GOLM1: variants seen among roughly 807,000 people sequenced by gnomAD.
The protein encoded by GOLM1 is epididymis luminal protein 46.
Under a neutral mutation model 50.5 loss-of-function variants are expected in GOLM1, and 31 were observed. The observed-to-expected ratio is 0.61, with a 90% CI of 0.46 to 0.83. GOLM1 has a LOEUF of 0.83. Ranked by LOEUF, GOLM1 falls within the 40% of genes least tolerant of loss-of-function variation. The probability of loss-of-function intolerance (pLI) is 0.00; values close to 1 mark genes in which losing one functional copy is unlikely to be tolerated. For synonymous variants in GOLM1, 178 were observed against 192.8 expected (o/e 0.92, Z 0.64); for missense variants, 491 against 501.3 (o/e 0.98, Z 0.20).
rs1427989836 is a variant in GOLM1 at position 86,035,533 on chromosome 9, G to A, written c.850C>T (p.Pro284Ser). 6.2e-7 allele frequency: 1 copy of A among 1,612,060 alleles called. No homozygotes were observed. ...CCCCCGAAGCCTCTTCCACCTACAG[G>A]TCTGTCTTCCACCACCTGCTCCCGG... Reference protein sequence around the residue: ...PGREQVVEDRPVGGRGFGGAG... With the variant: ...PGREQVVEDRSVGGRGFGGAG... Residue 284 changes from proline to serine, a missense_variant, in exon 8 of 10, where the codon CCT becomes TCT. Physicochemically the swap from Pro to Ser is moderately conservative, Grantham distance 74 (BLOSUM62 -1). Transcript: ENST00000388712.
intron 3 of GOLM1, among the ~76,000 whole-genome samples, chr9:86,069,791 C>G (rs1834396677): frequency 6.6e-6 from 1 of 152,208 alleles, no homozygotes; most frequent in Admixed American, 6.5e-5. Context: ...CCTGTCACAC[C>G]TCCACATTCC....
At position 86,047,832 on chromosome 9, in the gene GOLM1, AATG is replaced by A. The variant is rs1426473339; in HGVS notation, c.365-1263_365-1261del. 3.9e-5 allele frequency among the ~76,000 whole-genome samples: 6 copies of A among 152,298 alleles called. No individual in the cohort carries two copies. The East Asian group carries it at 9.6e-4, about 24-fold the overall frequency. ...GCTGAGAGAGAAAAGGCAGGCAAAA[AATG>A]ATAACAGATGGTCTGATTCCATCTG... On this transcript the variant is annotated intron_variant, in intron 4 of 9. Coordinates refer to ENST00000388712, the MANE Select transcript of GOLM1 (RefSeq NM_016548.4).
intron 3 of GOLM1, among the ~76,000 whole-genome samples, chr9:86,075,813 G>A (rs1017216397): frequency 3.3e-5 from 5 of 152,058 alleles, no homozygotes; most frequent in African/African-American, 1.2e-4. Flanking sequence ...GGTTAAAGGG[G>A]ATTTCAGGAG....
At chr9:86,028,260 C>T (rs1470143082) in intron 9 of GOLM1, among the ~76,000 whole-genome samples, 7 of 152,192 alleles carry the variant, frequency 4.6e-5, no homozygotes, top group South Asian at 4.1e-4. Flanking sequence ...GAGACCCCAG[C>T]GGGCACACAC....
chr9:86,065,900 C>T (rs542901211), intron 3 of GOLM1, among the ~76,000 whole-genome samples: 3 of 152,048 alleles, frequency 2.0e-5, no homozygotes, highest in South Asian at 2.1e-4. Flanking sequence ...ATAAGCCAGG[C>T]GTGGTGGCAC....
chr9:86,035,269 A>T, intron 8 of GOLM1, 99 bp downstream of exon 8: 1 of 1,532,378 alleles, frequency 6.5e-7, no homozygotes, highest in South Asian at 1.3e-5. Flanking sequence ...GCTGTTTGGT[A>T]AAATTCAGGG....
chr9:86,031,883 G>A (rs1173342629), intron 9 of GOLM1, among the ~76,000 whole-genome samples: 3 of 135,274 alleles, frequency 2.2e-5, no homozygotes, highest in Non-Finnish European at 1.5e-5. Flanking sequence ...CCAAGATCGC[G>A]CCACTGCACT....
In GOLM1 at chr9:86,077,422, T is replaced by G; in HGVS notation, c.299A>C (p.Gln100Pro). The change falls in exon 3 of 10, where the codon CAG becomes CCG. Residue 100 changes from glutamine (Q) to proline (P), a missense_variant. Physicochemically the swap from Gln to Pro is moderately conservative, Grantham distance 76. Transcript: ENST00000388712. ...FQLESVNKLY[Q>P]DEKAVLVNNI... ...CAAAGCAGGCCTTGCCTTTTCGTCC[T>G]GGTACAGCTTGTTGACGCTCTCCAG... is the stretch of plus-strand genomic sequence containing the variant. 6.2e-7 allele frequency: 1 copy of G among 1,613,926 alleles called. No individual in the cohort carries two copies. The highest frequency in any genetic ancestry group is 8.5e-7 in the Non-Finnish European group (1 of 1,179,746).
intron 3 of GOLM1, among the ~76,000 whole-genome samples, chr9:86,059,789 A>C (rs1405365344): frequency 6.6e-6 from 1 of 151,100 alleles, no homozygotes; most frequent in Non-Finnish European, 1.5e-5. Context: ...AATCCCAGCT[A>C]CTCGGGAGGC....
intron 1 of GOLM1, among the ~76,000 whole-genome samples, chr9:86,082,367 ATTTCT>A (rs1834811780): frequency 7.6e-6 from 1 of 130,936 alleles, no homozygotes; most frequent in Non-Finnish European, 1.6e-5. Flanking sequence ...CCACCACTGC[ATTTCT>A]TTTCTTTCCT....
intron 1 of GOLM1, among the ~76,000 whole-genome samples, chr9:86,083,522 T>C (rs1345257375): frequency 6.6e-6 from 1 of 152,130 alleles, no homozygotes; most frequent in African/African-American, 2.4e-5. Flanking sequence ...GTAGCTGGGA[T>C]TAGAGGTGGC....
intron 1 of GOLM1, among the ~76,000 whole-genome samples, chr9:86,095,084 A>AG (rs993511629): frequency 6.6e-6 from 1 of 151,746 alleles, no homozygotes; most frequent in African/African-American, 2.4e-5. Flanking sequence ...TAAAAAAAAA[A>AG]AAAAGAAAAA....
chr9:86,055,239 C>T (rs559507711), intron 3 of GOLM1, among the ~76,000 whole-genome samples: 1 of 152,228 alleles, frequency 6.6e-6, no homozygotes. Flanking sequence ...AAAAGTCATC[C>T]CTCAGGGAAA....
In GOLM1 at chr9:86,035,595, T is replaced by C; in HGVS notation, c.788A>G (p.Glu263Gly). 6.2e-7 allele frequency: 1 copy of C among 1,602,070 alleles called. No individual in the cohort carries two copies. Among genetic ancestry groups the C allele is most frequent in the South Asian group, 1.1e-5 (1 of 90,948 alleles). Residue 263 changes from glutamate to glycine, a missense_variant, in exon 8 of 10, where the codon GAG (glutamate) becomes GGG (glycine). Coordinates refer to ENST00000388712, the MANE Select transcript of GOLM1 (RefSeq NM_016548.4). ...EETNEIQVVNEEPQRDRLPQE... is the reference protein window; with the variant it reads ...EETNEIQVVNGEPQRDRLPQE... ...CGGCAGCCTGTCCCTCTGAGGCTCC[T>C]CATTCACCACCTGGATCTCATTGGT...
chr9:86,059,199 A>C (rs1430378241), intron 3 of GOLM1, among the ~76,000 whole-genome samples: 1 of 152,146 alleles, frequency 6.6e-6, no homozygotes, highest in Non-Finnish European at 1.5e-5. Context: ...GTAGGTGTAC[A>C]CCCAAGAGAA....
chr9:86,082,765 G>A (rs960567072), intron 1 of GOLM1, among the ~76,000 whole-genome samples: 1 of 152,178 alleles, frequency 6.6e-6, no homozygotes, highest in Non-Finnish European at 1.5e-5. Flanking sequence ...CTAATTCAAT[G>A]GGGTTTAGGG....
At chr9:86,035,701 C>T (rs1833111291) in intron 7 of GOLM1, 76 bp from the exon 8 acceptor site, 1 of 1,226,740 alleles carries the variant, frequency 8.2e-7, no homozygotes, top group South Asian at 1.4e-5. Context: ...AAAGCAAAAC[C>T]TGGTGCCACT....
intron 5 of GOLM1, among the ~76,000 whole-genome samples, chr9:86,044,702 A>C (rs567084345): frequency 1.3e-5 from 2 of 152,358 alleles, no homozygotes; most frequent in African/African-American, 4.8e-5. Flanking sequence ...CTGTAATCCC[A>C]GCACTTTGAG....
At chr9:86,082,506 C>T (rs1834816353) in intron 1 of GOLM1, among the ~76,000 whole-genome samples, 1 of 151,934 alleles carries the variant, frequency 6.6e-6, no homozygotes, top group South Asian at 2.1e-4. Context: ...CTCAAGTGAT[C>T]CTCCCACCTC....
Sources: allele counts gnomAD v4.1 joint callset (sites outside exome capture counted in the v4.1 genomes callset), GRCh38; gene constraint gnomAD v4.1.1; transcripts MANE v1.5; gene names NCBI Gene and HGNC (gene_info 2026-07-23, HGNC 2026-07-21).